Variants in MAGI2 observed in about 807,000 individuals in gnomAD.
The protein encoded by MAGI2 is membrane associated guanylate kinase, WW and PDZ domain containing 2, also known as membrane-associated guanylate kinase, WW and PDZ domain-containing protein 2.
A neutral mutation model predicts 133.3 loss-of-function variants in MAGI2; 35 were observed. The ratio of observed to expected loss-of-function variants is 0.26; its 90% CI spans 0.20 to 0.35. MAGI2 has a LOEUF of 0.35. Ranked by LOEUF, MAGI2 falls within the 10% of genes least tolerant of loss-of-function variation. MAGI2 has a pLI of 1.00. For missense variants in MAGI2, 1,636 were observed against 1,863.4 expected, an observed-to-expected ratio of 0.88 and a Z score of 2.25; for synonymous variants, 729 against 710.6, an observed-to-expected ratio of 1.03 and a Z score of -0.41.
rs889591846 is a variant in MAGI2 at position 78,890,939 on chromosome 7, C to G, written c.418+116151G>C. Among the ~76,000 whole-genome samples, 5 of 151,956 alleles carry G rather than the reference C, an allele frequency of 3.3e-5. No individual in the cohort carries two copies. The East Asian group carries it at 7.7e-4, about 23-fold the overall frequency. On this transcript the variant is annotated intron_variant, in intron 2 of 21. Coordinates refer to ENST00000354212, the MANE Select transcript of MAGI2 (RefSeq NM_012301.4). ...CTTCAAAAAATCTATGAATCCAGGA[C>G]CTGGTTTTTTGAAAAGACCAACGCA...
intron 3 of MAGI2, among the ~76,000 whole-genome samples, chr7:78,602,814 A>T (rs1017653143): frequency 1.3e-5 from 2 of 152,238 alleles, no homozygotes; most frequent in African/African-American, 4.8e-5. Context: ...AGAAAAAAAT[A>T]AATCTACAAA....
intron 13 of MAGI2, among the ~76,000 whole-genome samples, chr7:78,178,581 A>AGTGTGT (rs3840593): frequency 9.4e-5 from 14 of 149,568 alleles, no homozygotes; most frequent in South Asian, 2.1e-4. Flanking sequence ...CCAGTTTAGG[A>AGTGTGT]GTGTGTGTGT....
intron 2 of MAGI2, among the ~76,000 whole-genome samples, chr7:78,648,321 T>G (rs945780299): frequency 6.6e-6 from 1 of 152,182 alleles, no homozygotes; most frequent in Non-Finnish European, 1.5e-5. Flanking sequence ...AAACAATTTC[T>G]TCCCTACTAC....
intron 10 of MAGI2, among the ~76,000 whole-genome samples, chr7:78,216,820 A>G (rs1788321395): frequency 6.6e-6 from 1 of 152,188 alleles, no homozygotes; most frequent in South Asian, 2.1e-4. Context: ...CTTTGGGTCT[A>G]AATAATAGAA....
chr7:78,398,287 C>A (rs1381125500), intron 6 of MAGI2, among the ~76,000 whole-genome samples: 1 of 151,960 alleles, frequency 6.6e-6, no homozygotes, highest in South Asian at 2.1e-4. Context: ...TGAACTCATG[C>A]GGCTTTTTTT....
chr7:79,183,106 T>G (rs185353479), intron 1 of MAGI2, among the ~76,000 whole-genome samples: 6 of 151,954 alleles, frequency 3.9e-5, no homozygotes, highest in East Asian at 3.9e-4. Context: ...TGCAGTTAGA[T>G]AGAAGAAATA....
intron 9 of MAGI2, among the ~76,000 whole-genome samples, chr7:78,337,749 A>T (rs1258154337): frequency 1.3e-5 from 2 of 152,256 alleles, no homozygotes; most frequent in Non-Finnish European, 2.9e-5. Context: ...TTTAAATTTC[A>T]TCCAGAAAAT....
intron 1 of MAGI2, among the ~76,000 whole-genome samples, chr7:79,245,523 TCCATGAGGGGAGA>T (rs1832754015): frequency 6.6e-6 from 1 of 152,146 alleles, no homozygotes; most frequent in African/African-American, 2.4e-5. Context: ...GGTGGTGGTG[TCCATGAGGGGAGA>T]CCCCTCTGCA....
intron 2 of MAGI2, among the ~76,000 whole-genome samples, chr7:78,802,434 A>T (rs1481599916): frequency 6.6e-6 from 1 of 152,212 alleles, no homozygotes; most frequent in African/African-American, 2.4e-5. Flanking sequence ...TTAACAGTTC[A>T]GTGAAATGTC....
chr7:78,120,835 A>G (rs1351456463), intron 20 of MAGI2, among the ~76,000 whole-genome samples: 1 of 150,512 alleles, frequency 6.6e-6, no homozygotes, highest in African/African-American at 2.4e-5. Flanking sequence ...CCCCGTCTCT[A>G]CTAAAAATAC....
intron 1 of MAGI2, among the ~76,000 whole-genome samples, chr7:79,230,037 G>A (rs1394151458): frequency 6.8e-6 from 1 of 147,162 alleles, no homozygotes; most frequent in Non-Finnish European, 1.5e-5. Flanking sequence ...GTGAGAATAT[G>A]CGGTGTTTGG....
intron 6 of MAGI2, among the ~76,000 whole-genome samples, chr7:78,392,684 C>T (rs1178961475): frequency 1.3e-5 from 2 of 152,226 alleles, no homozygotes; most frequent in Admixed American, 6.5e-5. Context: ...GCTCCTGTTG[C>T]TTAGGCTAGA....
At chr7:78,579,477 ACCT>A (rs1192193228) in intron 3 of MAGI2, among the ~76,000 whole-genome samples, 7 of 152,034 alleles carry the variant, frequency 4.6e-5, no homozygotes, top group Admixed American at 4.6e-4. Context: ...AAGGTATCCC[ACCT>A]CCCCTTCTAC....
At chr7:78,968,307 A>T (rs537320495) in intron 2 of MAGI2, among the ~76,000 whole-genome samples, 1 of 152,210 alleles carries the variant, frequency 6.6e-6, no homozygotes, top group South Asian at 2.1e-4. Context: ...AGATTTTGAT[A>T]GAAATTGCAT....
chr7:79,259,999 C>CA (rs1449414363), intron 1 of MAGI2, among the ~76,000 whole-genome samples: 1 of 152,148 alleles, frequency 6.6e-6, no homozygotes, highest in Admixed American at 6.5e-5. Flanking sequence ...TGATTATTAA[C>CA]AAGATATTGT....
rs551166616 is a variant in MAGI2, at chr7:78,322,858, T to C, written c.1408+20920A>G. ...TCAGAGTCTTAAGTTGTCCTGTCTT[T>C]GGAGTTTCGACCCTAAGGAAATATA... On this transcript the variant is annotated intron_variant, in intron 9 of 21. Transcript: ENST00000354212. 1.2e-4 allele frequency among the ~76,000 whole-genome samples: 18 copies of C among 152,276 alleles called. No homozygotes were observed. In the South Asian group the frequency reaches 2.3e-3, roughly 19 times the overall value.
rs1201371273 is a variant in MAGI2 at position 78,667,492 on chromosome 7, A to G, written c.419-40253T>C. ...GCCATGCTGGTGTGCTGCACCCATT[A>G]ACTCGTTATTTAGCATTAGGTATAT... is the stretch of plus-strand genomic sequence containing the variant. On this transcript the variant is annotated intron_variant, in intron 2 of 21. Coordinates refer to ENST00000354212, the MANE Select transcript of MAGI2 (RefSeq NM_012301.4). Among the ~76,000 whole-genome samples, 11 of 151,626 alleles carry G rather than the reference A, an allele frequency of 7.3e-5. No individual in the cohort carries two copies. The East Asian group carries it at 2.1e-3, about 30-fold the overall frequency.
chr7:78,206,542 C>T (rs1050144603), intron 10 of MAGI2, among the ~76,000 whole-genome samples: 2 of 152,156 alleles, frequency 1.3e-5, no homozygotes, highest in East Asian at 1.9e-4. Context: ...CCACCCGACT[C>T]GGCCTCCCAA....
intron 2 of MAGI2, among the ~76,000 whole-genome samples, chr7:78,706,279 T>A (rs1267654268): frequency 1.3e-5 from 2 of 151,952 alleles, no homozygotes; most frequent in Non-Finnish European, 2.9e-5. Flanking sequence ...GTAAGTCTCA[T>A]GAGATCCGAA....
Sources: allele counts gnomAD v4.1 joint callset (sites outside exome capture counted in the v4.1 genomes callset), GRCh38; gene constraint gnomAD v4.1.1; transcripts MANE v1.5; gene names NCBI Gene and HGNC (gene_info 2026-07-23, HGNC 2026-07-21).